The following SHANK2 variants were observed in gnomAD, a reference collection of about 807,000 sequenced individuals.
The protein encoded by SHANK2 is SH3 and multiple ankyrin repeat domains protein 2.
A neutral mutation model predicts 133.7 loss-of-function variants in SHANK2; 43 were observed. The ratio of observed to expected loss-of-function variants is 0.32; its 90% confidence interval spans 0.25 to 0.41. The LOEUF (loss-of-function observed/expected upper bound fraction) is 0.41, where lower values mean the gene tolerates loss of function less well. Ranked by LOEUF, SHANK2 falls within the 10% of genes least tolerant of loss-of-function variation. The pLI, the probability that SHANK2 is intolerant of heterozygous loss-of-function variation, is 1.00. For synonymous variants in SHANK2, 1,017 were observed against 952.8 expected (o/e 1.07, Z -1.24); for missense variants, 1,994 against 2,235.8 (o/e 0.89, Z 2.18).
intron 3 of SHANK2, among the ~76,000 whole-genome samples, chr11:71,137,210 A>G (rs1195487477): frequency 1.3e-4 from 20 of 151,906 alleles, no homozygotes; most frequent in Admixed American, 5.2e-4. Flanking sequence ...TATAAATTAT[A>G]ACTCAAGAAA....
rs1950124375 is a variant in SHANK2 at position 70,907,498 on chromosome 11, TA to T, written c.1108-10932del. 4.6e-5 allele frequency: 8 copies of T among 172,516 alleles called. No homozygotes were observed. The South Asian group carries it at 8.7e-4, about 19-fold the overall frequency. 10.7% of individuals were successfully genotyped at this position (172,516 alleles called of 1,614,324 possible). On this transcript the variant is annotated intron_variant, in intron 10 of 25. Transcript: ENST00000601538. ...AGGCTCCTGAAACTGAGAATAAGAA[TA>T]AAAGTATGATTCTTCTATGACTATC...
intron 17 of SHANK2, among the ~76,000 whole-genome samples, chr11:70,531,529 G>A (rs1446634937): frequency 6.6e-6 from 1 of 152,256 alleles, no homozygotes; most frequent in Non-Finnish European, 1.5e-5. Context: ...GGAGGCCTGG[G>A]ATCATGCCAG....
In SHANK2 at chr11:71,066,183, AGTGAGTG is replaced by A. The variant is rs1951059419; in HGVS notation, c.1029+8969_1029+8975del. Among the ~76,000 whole-genome samples, 6 of 80,818 alleles carry A rather than the reference AGTGAGTG, an allele frequency of 7.4e-5. 1 individual carries two copies. Among genetic ancestry groups the A allele is most frequent in the African/African-American group, 1.6e-4 (3 of 19,180 alleles). The allele number at this position is 80,818 out of a possible 152,430, so 53.0% of individuals were successfully genotyped here. Reference sequence around the variant, plus strand: ...GCAGAACTCTCCTGGGGAGATGAGCAGTGAGTGGGGAAGTTGGGGGGGGTATAGAACT... The same window carrying A: ...GCAGAACTCTCCTGGGGAGATGAGCAGGGAAGTTGGGGGGGGTATAGAACT... On this transcript the variant is annotated intron_variant, in intron 9 of 25. Coordinates refer to ENST00000601538, the MANE Select transcript of SHANK2 (RefSeq NM_012309.5).
At chr11:70,933,696 G>C (rs530053011) in intron 10 of SHANK2, among the ~76,000 whole-genome samples, 1 of 152,096 alleles carries the variant, frequency 6.6e-6, no homozygotes, top group South Asian at 2.1e-4. Flanking sequence ...GAGGCGGATG[G>C]ATCACATGAG....
intron 17 of SHANK2, among the ~76,000 whole-genome samples, chr11:70,606,554 T>TCA (rs2060580986): frequency 7.4e-6 from 1 of 134,754 alleles, no homozygotes; most frequent in African/African-American, 2.7e-5. Flanking sequence ...GCTTGTATCC[T>TCA]CAGCCTTACT....
At chr11:70,752,193 T>A (rs1946761621) in intron 14 of SHANK2, among the ~76,000 whole-genome samples, 2 of 151,796 alleles carry the variant, frequency 1.3e-5, no homozygotes, top group African/African-American at 4.8e-5. Context: ...AAGCAATCCC[T>A]CCCCCCTTGG....
At position 70,486,494 on chromosome 11, in the gene SHANK2, G is replaced by T; in HGVS notation, c.3799C>A (p.Gln1267Lys). The part of the protein sequence containing the change: ...LDAGFPTVTR[Q>K]NTRGPLRRQE... ...CGCCTCAGGGGTCCCCGGGTGTTCT[G>T]CCTGGTGACCGTAGGGAAGCCGGCA... Residue 1267 changes from glutamine to lysine, a missense_variant, in exon 25 of 26, where the codon CAG becomes AAG. This residue lies in a region of SHANK2 where 797 missense variants were observed against 907.4 expected (regional missense o/e 0.88). Coordinates refer to ENST00000601538, the MANE Select transcript of SHANK2 (RefSeq NM_012309.5). The surrounding 1 kb of genome is among the most constrained non-coding windows in gnomAD (Gnocchi z 8.0). 6.2e-7 allele frequency: 1 copy of T among 1,614,086 alleles called. No individual in the cohort carries two copies. The highest frequency in any genetic ancestry group is 8.5e-7 in the Non-Finnish European group (1 of 1,180,020).
chr11:70,650,808 C>T (rs1400017696), intron 17 of SHANK2, among the ~76,000 whole-genome samples: 2 of 152,246 alleles, frequency 1.3e-5, no homozygotes, highest in African/African-American at 4.8e-5. Flanking sequence ...CTTCACCACA[C>T]TCTGCTTTTT....
chr11:71,189,633 C>G (rs1555115065), intron 2 of SHANK2, among the ~76,000 whole-genome samples: 1 of 152,236 alleles, frequency 6.6e-6, no homozygotes, highest in Non-Finnish European at 1.5e-5. Flanking sequence ...CTCCTGGGCT[C>G]AAGCAATTCG....
At chr11:70,684,703 C>T (rs895341026) in intron 15 of SHANK2, among the ~76,000 whole-genome samples, 4 of 151,618 alleles carry the variant, frequency 2.6e-5, no homozygotes, top group Non-Finnish European at 4.4e-5. Context: ...GGCCCCTGTC[C>T]GTCACTCAGT....
In SHANK2 at chr11:71,175,594, G is replaced by A. The variant is rs1239980674; in HGVS notation, c.-12-28256C>T. ...AGAGAGAGAGAGAGAGAGAGAGAGA[G>A]AGAGAGAGACAGAGACAGAGACATC... is the stretch of plus-strand genomic sequence containing the variant. On this transcript the variant is annotated intron_variant, in intron 2 of 25. Coordinates refer to ENST00000601538, the MANE Select transcript of SHANK2 (RefSeq NM_012309.5). The surrounding 1 kb of genome is among the most constrained non-coding windows in gnomAD (Gnocchi z 4.2). Among the ~76,000 whole-genome samples the A allele has an allele frequency of 7.0e-6, 1 of 143,254 alleles. No individual in the cohort carries two copies. Among genetic ancestry groups the A allele is most frequent in the Non-Finnish European group, 1.5e-5 (1 of 64,874 alleles). 94.0% of individuals were successfully genotyped at this position (143,254 alleles called of 152,430 possible).
chr11:71,092,601 A>C lies in SHANK2; in HGVS notation c.745-12T>G. 6.5e-7 allele frequency: 1 copy of C among 1,549,862 alleles called. No homozygotes were observed. Among genetic ancestry groups the C allele is most frequent in the Non-Finnish European group, 8.7e-7 (1 of 1,145,418 alleles). ...AGCTCTAAAAGGGTCTAGGAAAAAA[A>C]AATTGAAAGCCGTCGTTATTGGTCT... On this transcript the variant is annotated splice_polypyrimidine_tract_variant and intron_variant, in intron 7 of 25. Coordinates refer to ENST00000601538, the MANE Select transcript of SHANK2 (RefSeq NM_012309.5).
At chr11:70,745,687 G>C (rs1423256184) in intron 14 of SHANK2, among the ~76,000 whole-genome samples, 2 of 152,102 alleles carry the variant, frequency 1.3e-5, no homozygotes, top group Non-Finnish European at 2.9e-5. Flanking sequence ...AGCTGGCCTG[G>C]CCCCCACCTG....
intron 17 of SHANK2, among the ~76,000 whole-genome samples, chr11:70,616,831 G>A (rs1029553030): frequency 6.6e-6 from 1 of 152,198 alleles, no homozygotes; most frequent in East Asian, 1.9e-4. Context: ...GGGAGCCTGC[G>A]GGGCGTCCCC....
At chr11:70,898,416 A>G (rs1565392385) in intron 10 of SHANK2, among the ~76,000 whole-genome samples, 2 of 152,126 alleles carry the variant, frequency 1.3e-5, no homozygotes, top group Non-Finnish European at 2.9e-5. Flanking sequence ...GGAACTGGGT[A>G]ATGATTACAG....
At chr11:70,798,350 G>A (rs1244234889) in intron 14 of SHANK2, 93 bp downstream of exon 14, 15 of 697,128 alleles carry the variant, frequency 2.2e-5, no homozygotes, top group Non-Finnish European at 3.4e-5. Context: ...CCTCTACGAC[G>A]CAACGGCCGA....
intron 25 of SHANK2, among the ~76,000 whole-genome samples, chr11:70,477,925 G>A (rs557184422): frequency 6.6e-6 from 1 of 152,248 alleles, no homozygotes; most frequent in South Asian, 2.1e-4. Flanking sequence ...TTCCCAGTCG[G>A]AACACACAGG....
intron 20 of SHANK2, among the ~76,000 whole-genome samples, chr11:70,501,164 G>A (rs1422741561): frequency 6.6e-6 from 1 of 152,234 alleles, no homozygotes; most frequent in African/African-American, 2.4e-5. Context: ...GTGGGGCAGC[G>A]CCACTGCAGG....
chr11:70,549,620 G>A (rs577120399), intron 17 of SHANK2, among the ~76,000 whole-genome samples: 7 of 152,220 alleles, frequency 4.6e-5, no homozygotes, highest in African/African-American at 9.6e-5. Flanking sequence ...GAAGTGACCC[G>A]AGGTCCCCGG....
Sources: allele counts gnomAD v4.1 joint callset (sites outside exome capture counted in the v4.1 genomes callset), GRCh38; gene constraint gnomAD v4.1.1; regional missense constraint gnomAD v4.1.1; non-coding constraint Gnocchi (gnomAD v3.1); transcripts MANE v1.5; gene names NCBI Gene and HGNC (gene_info 2026-07-23, HGNC 2026-07-21).